The following RABGAP1L variants were observed in gnomAD, a reference collection of about 807,000 sequenced individuals.
RABGAP1L encodes the protein RAB GTPase activating protein 1 like.
A neutral mutation model predicts 137.7 loss-of-function variants in RABGAP1L; 63 were observed. The ratio of observed to expected loss-of-function variants is 0.46; its 90% CI spans 0.37 to 0.56. The LOEUF (loss-of-function observed/expected upper bound fraction) is 0.56. Among genes scored for constraint, RABGAP1L ranks in the 20% least tolerant of loss-of-function variants. RABGAP1L has a pLI of 0.00. For synonymous variants in RABGAP1L, 431 were observed against 433.7 expected, an observed-to-expected ratio of 0.99 and a Z score of 0.08; for missense variants, 1,095 against 1,244.0, an observed-to-expected ratio of 0.88 and a Z score of 1.80.
At chr1:174,787,766 A>C (rs760033681) in intron 18 of RABGAP1L, among the ~76,000 whole-genome samples, 27 of 152,210 alleles carry the variant, frequency 1.8e-4, no homozygotes, top group Non-Finnish European at 3.5e-4. Flanking sequence ...GGTAATACAT[A>C]TGGAGAATAG....
At chr1:174,726,337 G>T (rs73026458) in intron 17 of RABGAP1L, among the ~76,000 whole-genome samples, 2,593 of 151,920 alleles carry the variant, frequency 0.017, 79 homozygotes, top group African/African-American at 0.06. Context: ...AAAGTCCTGG[G>T]TTTATGCAAT....
chr1:174,486,644 C>T (rs1257027947), intron 13 of RABGAP1L, among the ~76,000 whole-genome samples: 2 of 151,854 alleles, frequency 1.3e-5, no homozygotes, highest in African/African-American at 4.8e-5. Context: ...CCGCGCCCGG[C>T]CTCTGCTCTG....
At chr1:174,715,983 A>G (rs1413624236) in intron 17 of RABGAP1L, among the ~76,000 whole-genome samples, 1 of 152,228 alleles carries the variant, frequency 6.6e-6, no homozygotes, top group Non-Finnish European at 1.5e-5. Context: ...AGGATGCTCA[A>G]GTTCCCTGTA....
intron 19 of RABGAP1L, among the ~76,000 whole-genome samples, chr1:174,861,399 A>G (rs1650241971): frequency 6.6e-6 from 1 of 152,154 alleles, no homozygotes. Flanking sequence ...GTCATTATGA[A>G]TAATTCTGCA....
At chr1:174,416,041 C>A (rs1201153374) in intron 13 of RABGAP1L, among the ~76,000 whole-genome samples, 1 of 76,276 alleles carries the variant, frequency 1.3e-5, no homozygotes, top group Non-Finnish European at 2.4e-5. Context: ...TATATACACA[C>A]ACATTTTTTT....
At position 174,241,546 on chromosome 1, in the gene RABGAP1L, T is replaced by C. The variant is rs140628487; in HGVS notation, c.606T>C (p.Cys202=). ...ASFPIYKVLF[C]ARGHDGTTES... Reference sequence around the variant, plus strand: ...TTCCAATCTATAAGGTGTTATTCTGTGCACGTGGACATGACGGAACAACAG... The same window carrying C: ...TTCCAATCTATAAGGTGTTATTCTGCGCACGTGGACATGACGGAACAACAG... The change falls in exon 5 of 26, where the codon TGT becomes TGC. Residue 202 remains cysteine (C), a synonymous_variant. Transcript: ENST00000681986. 9.3e-6 allele frequency: 15 copies of C among 1,613,266 alleles called. No individual in the cohort carries two copies. In the African/African-American group the frequency reaches 2.0e-4, roughly 22 times the overall value.
chr1:174,939,845 A>G (rs1665558359), intron 19 of RABGAP1L, among the ~76,000 whole-genome samples: 1 of 152,236 alleles, frequency 6.6e-6, no homozygotes, highest in Non-Finnish European at 1.5e-5. Context: ...GTACTTGAGG[A>G]AAATGTATGG....
intron 19 of RABGAP1L, chr1:174,850,227 A>C: frequency 5.4e-5 from 14 of 259,072 alleles, no homozygotes; most frequent in South Asian, 1.5e-4. Context: ...AGTGCAGGAA[A>C]CCTCCGGGGT....
At position 174,991,345 on chromosome 1, in the gene RABGAP1L, A is replaced by G. The variant is rs1283734484; in HGVS notation, c.*1344A>G. 6.6e-6 allele frequency: 1 copy of G among 152,230 alleles called. No individual in the cohort carries two copies. Among genetic ancestry groups the G allele is most frequent in the African/African-American group, 2.4e-5 (1 of 41,464 alleles). The allele number at this position is 152,230 out of a possible 1,614,324, so 9.4% of individuals were successfully genotyped here. On this transcript the variant is annotated 3_prime_UTR_variant, in exon 26 of 26. Transcript: ENST00000681986. ...TGTACAATAACATTTGTTGATATTA[A>G]TCATTGGCCTCATTGTTGAACATAT...
intron 13 of RABGAP1L, among the ~76,000 whole-genome samples, chr1:174,463,385 C>A (rs1467176098): frequency 6.6e-6 from 1 of 151,860 alleles, no homozygotes; most frequent in African/African-American, 2.4e-5. Context: ...AATTGGAAAT[C>A]ATCATTCTCA....
rs1050239617 is a variant in RABGAP1L at position 174,239,259 on chromosome 1, G to T, written c.543-2224G>T. On this transcript the variant is annotated intron_variant, in intron 4 of 25. Coordinates refer to ENST00000681986, the MANE Select transcript of RABGAP1L (RefSeq NM_001366446.1). Reference sequence around the variant, plus strand: ...CGCTCACGCTGGGAGCTGTAGACCGGAGCTGTTCCTATTCGGCCATCTTGG... The same window carrying T: ...CGCTCACGCTGGGAGCTGTAGACCGTAGCTGTTCCTATTCGGCCATCTTGG... Among the ~76,000 whole-genome samples the T allele has an allele frequency of 2.6e-5, 4 of 152,282 alleles. No individual in the cohort carries two copies. The East Asian group carries it at 7.7e-4, about 29-fold the overall frequency.
intron 1 of RABGAP1L, among the ~76,000 whole-genome samples, chr1:174,165,033 T>G (rs1664787675): frequency 6.6e-6 from 1 of 152,218 alleles, no homozygotes; most frequent in Admixed American, 6.5e-5. Flanking sequence ...CTGAGGACTT[T>G]ATGCTTAGGT....
chr1:174,328,596 C>T (rs899944374), intron 11 of RABGAP1L, among the ~76,000 whole-genome samples: 2 of 152,046 alleles, frequency 1.3e-5, no homozygotes, highest in Admixed American at 6.6e-5. Flanking sequence ...ACAGTGAAAT[C>T]CCGTCTCTAC....
chr1:174,292,329 CT>C (rs61636433), intron 10 of RABGAP1L, among the ~76,000 whole-genome samples: 9,979 of 50,630 alleles, frequency 0.2, 538 homozygotes, highest in Non-Finnish European at 0.22. Flanking sequence ...CCTACCTAAT[CT>C]TTTTTTTTTT....
At chr1:174,710,738 CAACACTA>C (rs943076499) in intron 17 of RABGAP1L, among the ~76,000 whole-genome samples, 2 of 152,200 alleles carry the variant, frequency 1.3e-5, no homozygotes. Context: ...TAAAGACCAT[CAACACTA>C]TGAAGATACT....
intron 17 of RABGAP1L, among the ~76,000 whole-genome samples, chr1:174,735,987 G>A (rs1008455468): frequency 6.6e-6 from 1 of 152,150 alleles, no homozygotes; most frequent in Middle Eastern, 3.2e-3. Flanking sequence ...ATGAGATTTG[G>A]CGAGGATGAA....
intron 17 of RABGAP1L, among the ~76,000 whole-genome samples, chr1:174,735,485 A>G (rs1023622375): frequency 6.6e-6 from 1 of 151,130 alleles, no homozygotes. Context: ...GGTGGCTCAC[A>G]CCTGTAATCC....
chr1:174,873,309 T>G (rs1015423187), intron 19 of RABGAP1L, among the ~76,000 whole-genome samples: 3 of 151,986 alleles, frequency 2.0e-5, no homozygotes, highest in Admixed American at 1.3e-4. Flanking sequence ...GACCTCGTGA[T>G]CCACCCGCCT....
Position 174,643,920 on chromosome 1 carries a change from T to G in RABGAP1L, c.1824+6432T>G, listed in dbSNP as rs549203263. On this transcript the variant is annotated intron_variant, in intron 14 of 25. Coordinates refer to ENST00000681986, the MANE Select transcript of RABGAP1L (RefSeq NM_001366446.1). ...GAAAAACTTCACTTATATAGGGGTG[T>G]GTGTGTGTGTGTGTGTGTGTGTATG... Among the ~76,000 whole-genome samples, 35 of 129,208 alleles carry G rather than the reference T, an allele frequency of 2.7e-4. No homozygotes were observed. In the East Asian group the frequency reaches 3.3e-3, roughly 12 times the overall value. 84.8% of individuals were successfully genotyped at this position (129,208 alleles called of 152,430 possible). A position where few individuals can be genotyped will look rare whatever the true frequency, so the allele number is the denominator to read the frequency against.
Sources: allele counts gnomAD v4.1 joint callset (sites outside exome capture counted in the v4.1 genomes callset), GRCh38; gene constraint gnomAD v4.1.1; transcripts MANE v1.5; gene names NCBI Gene and HGNC (gene_info 2026-07-23, HGNC 2026-07-21).